XKR9: variants seen among roughly 807,000 people sequenced by gnomAD.
XKR9 encodes XK-related protein 9.
In XKR9, 32 loss-of-function variants were observed where a neutral mutation model predicts 32.0. The ratio of observed to expected loss-of-function variants is 1.00; its 90% CI spans 0.76 to 1.34. The LOEUF is 1.34. XKR9 is among the 40% of genes most tolerant of loss of function. The probability of loss-of-function intolerance (pLI) is 0.00; values close to 1 mark genes in which losing one functional copy is unlikely to be tolerated. For synonymous variants in XKR9, 168 were observed against 143.4 expected (o/e 1.17, Z -1.22); for missense variants, 546 against 429.7 (o/e 1.27, Z -2.39).
chr8:70,792,522 A>T (rs1807777371), downstream of XKR9, among the ~76,000 whole-genome samples: 2 of 152,144 alleles, frequency 1.3e-5, no homozygotes, highest in African/African-American at 4.8e-5. Flanking sequence ...CAATCAGTCA[A>T]CAAAAGAAAG....
the XKR9 span, among the ~76,000 whole-genome samples, chr8:71,011,327 G>C: frequency 0.02 from 3,075 of 152,216 alleles, 99 homozygotes; most frequent in African/African-American, 0.07. Context: ...CTATTCCATG[G>C]TTGTCCACAG....
At chr8:70,957,970 T>C in the XKR9 span, among the ~76,000 whole-genome samples, 1 of 151,956 alleles carries the variant, frequency 6.6e-6, no homozygotes, top group African/African-American at 2.4e-5. Flanking sequence ...GTATCTTTAG[T>C]AGAGATGAGC....
the XKR9 span, among the ~76,000 whole-genome samples, chr8:71,061,628 A>C: frequency 6.6e-6 from 1 of 152,204 alleles, no homozygotes; most frequent in Non-Finnish European, 1.5e-5. Flanking sequence ...GGGTGTTTTC[A>C]TTAGACAGAC....
chr8:70,826,765 T>C, the XKR9 span, among the ~76,000 whole-genome samples: 2 of 152,156 alleles, frequency 1.3e-5, no homozygotes, highest in Non-Finnish European at 2.9e-5. Flanking sequence ...TACGTTGATA[T>C]AGGTAACGAT....
At chr8:70,749,448 A>G (rs1008464707) in intron 2 of XKR9, among the ~76,000 whole-genome samples, 3 of 148,686 alleles carry the variant, frequency 2.0e-5, no homozygotes, top group African/African-American at 7.5e-5. Flanking sequence ...GGTGCCACCA[A>G]ATTCCCTTTG....
the XKR9 span, among the ~76,000 whole-genome samples, chr8:70,887,607 G>A: frequency 3.9e-5 from 6 of 152,098 alleles, no homozygotes; most frequent in Non-Finnish European, 5.9e-5. Flanking sequence ...TCGTTGAGCA[G>A]TGGTTTGTAG....
the XKR9 span, among the ~76,000 whole-genome samples, chr8:70,953,640 G>T: frequency 6.6e-6 from 1 of 152,130 alleles, no homozygotes; most frequent in Admixed American, 6.5e-5. Context: ...TTCCATTCCA[G>T]AAAACTAGGG....
At chr8:70,740,953 G>C (rs899297859) in intron 2 of XKR9, among the ~76,000 whole-genome samples, 11 of 152,330 alleles carry the variant, frequency 7.2e-5, no homozygotes, top group Non-Finnish European at 1.0e-4. Context: ...TGCCCGTTCT[G>C]AGATCTCCAG....
chr8:70,674,396 T>C (rs1324909805), intron 1 of XKR9, among the ~76,000 whole-genome samples: 1 of 152,196 alleles, frequency 6.6e-6, no homozygotes. Context: ...AGAAAAGTAG[T>C]GCTTATTTTG....
chr8:70,856,614 C>A, the XKR9 span, among the ~76,000 whole-genome samples: 1 of 152,110 alleles, frequency 6.6e-6, no homozygotes. Context: ...AGCTCTGCAC[C>A]AAGCGGACCT....
downstream of XKR9, among the ~76,000 whole-genome samples, chr8:70,739,423 T>C (rs1490755953): frequency 1.3e-5 from 2 of 152,238 alleles, no homozygotes; most frequent in South Asian, 2.1e-4. Flanking sequence ...CTTTATCCAA[T>C]TTGCCAGTCT....
In XKR9 at chr8:70,744,476, G is replaced by A. The variant is rs10092350; in HGVS notation, n.352+37323G>A. ...GAGAACCAAGGCTCATAGAGTTTAA[G>A]TAATTTGCCAAAGTCCACACAGATC... On this transcript the variant is annotated intron_variant and non_coding_transcript_variant, in intron 2 of 3. Coordinates refer to the XKR9 transcript ENST00000520273. 2.9e-3 allele frequency among the ~76,000 whole-genome samples: 442 copies of A among 152,224 alleles called. 1 individual carries two copies. The highest frequency in any genetic ancestry group is 5.2e-3 in the Non-Finnish European group (352 of 68,028).
At chr8:70,811,605 G>GGA in the XKR9 span, among the ~76,000 whole-genome samples, 9 of 151,810 alleles carry the variant, frequency 5.9e-5, no homozygotes, top group African/African-American at 2.2e-4. Context: ...ATGATAAAGG[G>GGA]GATATTACCA....
the XKR9 span, among the ~76,000 whole-genome samples, chr8:70,819,185 G>C: frequency 6.6e-6 from 1 of 152,096 alleles, no homozygotes; most frequent in Non-Finnish European, 1.5e-5. Flanking sequence ...CAGATTTCCT[G>C]GTTTGTCTGT....
the XKR9 span, among the ~76,000 whole-genome samples, chr8:70,981,702 G>C: frequency 6.6e-6 from 1 of 151,906 alleles, no homozygotes; most frequent in South Asian, 2.1e-4. Context: ...GATCTTTTTG[G>C]GTGTTAAAAA....
chr8:71,027,816 G>A, the XKR9 span, among the ~76,000 whole-genome samples: 7 of 151,122 alleles, frequency 4.6e-5, no homozygotes, highest in African/African-American at 1.7e-4. Context: ...CCAGGCTGGA[G>A]GGCAGTGGTG....
chr8:70,892,038 C>T, the XKR9 span, among the ~76,000 whole-genome samples: 2 of 151,924 alleles, frequency 1.3e-5, no homozygotes, highest in Admixed American at 6.6e-5. Flanking sequence ...CACAATTTTC[C>T]ACTTAAAGTC....
At chr8:70,693,373 T>C (rs1017533761) in intron 3 of XKR9, among the ~76,000 whole-genome samples, 5 of 152,160 alleles carry the variant, frequency 3.3e-5, no homozygotes, top group African/African-American at 1.2e-4. Flanking sequence ...TTTAGGCTTA[T>C]CAGTCAGTTG....
intron 2 of XKR9, among the ~76,000 whole-genome samples, chr8:70,783,313 GC>G (rs948070897): frequency 1.3e-5 from 2 of 151,024 alleles, no homozygotes; most frequent in Non-Finnish European, 2.9e-5. Context: ...TGCAAGCTCT[GC>G]CTCCTGGGTT....
Sources: allele counts gnomAD v4.1 joint callset (sites outside exome capture counted in the v4.1 genomes callset), GRCh38; gene constraint gnomAD v4.1.1; transcripts MANE v1.5; gene names NCBI Gene and HGNC (gene_info 2026-07-23, HGNC 2026-07-21).